ADAMTS20: variants seen among roughly 807,000 people sequenced by gnomAD.
The protein encoded by ADAMTS20 is A disintegrin and metalloproteinase with thrombospondin motifs 20.
ADAMTS20 carries 225 observed loss-of-function variants against 260.1 expected under a neutral mutation model. The ratio of observed to expected loss-of-function variants is 0.87; its 90% CI spans 0.78 to 0.97. The LOEUF (loss-of-function observed/expected upper bound fraction) is 0.97, where lower values mean the gene tolerates loss of function less well. Among genes scored for constraint, ADAMTS20 ranks in the 50% least tolerant of loss-of-function variants. The pLI, the probability that ADAMTS20 is intolerant of heterozygous loss-of-function variation, is 0.00. For synonymous variants in ADAMTS20, 802 were observed against 769.5 expected, an observed-to-expected ratio of 1.04 and a Z score of -0.70; for missense variants, 2,400 against 2,337.7, an observed-to-expected ratio of 1.03 and a Z score of -0.55.
chr12:43,446,748 G>A, intron 14 of ADAMTS20, 36 bp from the exon 15 acceptor site: 1 of 1,509,468 alleles, frequency 6.6e-7, no homozygotes, highest in Non-Finnish European at 9.2e-7. Flanking sequence ...TTATAAGAAT[G>A]ACTAATTATG....
In ADAMTS20 at chr12:43,462,931, C is replaced by T; in HGVS notation, c.1578G>A (p.Val526=). 1 of 1,609,196 alleles carries T rather than the reference C, an allele frequency of 6.2e-7. No homozygotes were observed. The highest frequency in any genetic ancestry group is 8.5e-7 in the Non-Finnish European group (1 of 1,177,556). The change falls in exon 11 of 39, where the codon GTG becomes GTA. Residue 526 remains valine, a synonymous_variant. Transcript: ENST00000389420. ...KLHKGCFTQH[V]PPADGTDCGP... The stretch of plus-strand genomic sequence containing the variant: ...CGCAGTCTGTTCCATCTGCTGGTGG[C>T]ACGTGTTGAGTGAAACAGCCTTTGT...
intron 23 of ADAMTS20, 40 bp downstream of exon 23, chr12:43,430,312 C>A: frequency 6.3e-7 from 1 of 1,580,588 alleles, no homozygotes; most frequent in South Asian, 1.2e-5. Flanking sequence ...ATCTTTCTGT[C>A]TCATAAATCT....
intron 11 of ADAMTS20, among the ~76,000 whole-genome samples, chr12:43,460,721 G>A (rs1273798985): frequency 1.3e-5 from 2 of 151,812 alleles, no homozygotes; most frequent in African/African-American, 4.8e-5. Flanking sequence ...TAGTACATCT[G>A]TATAGCTGAA....
At chr12:43,445,799 C>T (rs1020598196) in intron 15 of ADAMTS20, among the ~76,000 whole-genome samples, 1 of 152,028 alleles carries the variant, frequency 6.6e-6, no homozygotes, top group South Asian at 2.1e-4. Context: ...CTGCAATGAG[C>T]TATGATTGTG....
rs1248248344 is a variant in ADAMTS20, at chr12:43,416,451, CT to C, written c.4284+9062del. Among the ~76,000 whole-genome samples, 13 of 151,724 alleles carry C rather than the reference CT, an allele frequency of 8.6e-5. No individual in the cohort carries two copies. In the East Asian group the frequency reaches 2.3e-3, roughly 27 times the overall value. ...ACATGGCCTTAATTCATATTTCTAA[CT>C]TTATGCCCACCCCTTGTTCTCACAA... On this transcript the variant is annotated intron_variant, in intron 28 of 38. Transcript: ENST00000389420.
chr12:43,401,355 T>C lies in ADAMTS20; in HGVS notation c.4285-2122A>G, dbSNP rs552989864. On this transcript the variant is annotated intron_variant, in intron 28 of 38. Transcript: ENST00000389420. Reference sequence around the variant, plus strand: ...GAATCCAAGAATCAGCCAGTAAATATACAGTAAGTTGTTGGCATTTCTGAT... The same window carrying C: ...GAATCCAAGAATCAGCCAGTAAATACACAGTAAGTTGTTGGCATTTCTGAT... 3.3e-5 allele frequency among the ~76,000 whole-genome samples: 5 copies of C among 152,028 alleles called. No individual in the cohort carries two copies. In the South Asian group the frequency reaches 6.2e-4, roughly 19 times the overall value.
At chr12:43,548,204 A>G (rs1406461705) in intron 2 of ADAMTS20, among the ~76,000 whole-genome samples, 1 of 152,228 alleles carries the variant, frequency 6.6e-6, no homozygotes, top group Admixed American at 6.5e-5. Flanking sequence ...AAGCGACTAG[A>G]AAAAGAAGAG....
At chr12:43,477,683 A>G (rs533661794) in intron 7 of ADAMTS20, among the ~76,000 whole-genome samples, 1 of 152,250 alleles carries the variant, frequency 6.6e-6, no homozygotes, top group East Asian at 1.9e-4. Flanking sequence ...ATACACAAGC[A>G]TGCAGGCATA....
At chr12:43,396,410 T>C (rs1940703998) in intron 29 of ADAMTS20, among the ~76,000 whole-genome samples, 1 of 152,154 alleles carries the variant, frequency 6.6e-6, no homozygotes, top group Admixed American at 6.6e-5. Flanking sequence ...AACCAGTGAT[T>C]ATCTTGTAAC....
intron 29 of ADAMTS20, among the ~76,000 whole-genome samples, chr12:43,386,357 G>C (rs1329297065): frequency 2.6e-5 from 4 of 152,186 alleles, no homozygotes; most frequent in African/African-American, 4.8e-5. Flanking sequence ...GAGATCCGCT[G>C]TTAGTCTAAT....
rs1940411184 is a variant in ADAMTS20 at position 43,383,856 on chromosome 12, C to T, written c.4574G>A (p.Cys1525Tyr). 4 of 1,613,996 alleles carry T rather than the reference C, an allele frequency of 2.5e-6. No homozygotes were observed. Among genetic ancestry groups the T allele is most frequent in the Non-Finnish European group, 3.4e-6 (4 of 1,179,874 alleles). The change falls in exon 30 of 39, where the codon TGT becomes TAT. Residue 1525 changes from cysteine to tyrosine, a missense_variant. By Grantham distance (194) the Cys-to-Tyr change is radical. Transcript: ENST00000389420. The part of the protein sequence containing the change: ...QSTRPCSQRR[C>Y]WSQDCVQHKG... ...GTGCTGCACACAGTCCTGACTCCAA[C>T]ATCGCCTCTGAGAACAAGGTCGGGT... is the stretch of plus-strand genomic sequence containing the variant.
chr12:43,468,013 G>A (rs1326079626), intron 8 of ADAMTS20, among the ~76,000 whole-genome samples: 1 of 152,036 alleles, frequency 6.6e-6, no homozygotes, highest in African/African-American at 2.4e-5. Flanking sequence ...AGCTCCAAGG[G>A]TATCATGAGA....
chr12:43,539,487 A>G (rs1426163767), intron 2 of ADAMTS20, among the ~76,000 whole-genome samples: 2 of 152,180 alleles, frequency 1.3e-5, no homozygotes, highest in African/African-American at 4.8e-5. Flanking sequence ...TAAATATAAG[A>G]ATTCTTATCT....
At chr12:43,437,252 T>G (rs190303596) in intron 18 of ADAMTS20, among the ~76,000 whole-genome samples, 19 of 152,122 alleles carry the variant, frequency 1.2e-4, no homozygotes, top group Admixed American at 1.2e-3. Context: ...AAGAAAACAA[T>G]GAATTTGAGA....
chr12:43,539,628 C>T (rs1943348067), intron 2 of ADAMTS20, among the ~76,000 whole-genome samples: 1 of 152,060 alleles, frequency 6.6e-6, no homozygotes, highest in Non-Finnish European at 1.5e-5. Context: ...CTCTGCCTTC[C>T]TAGAAAACTA....
intron 9 of ADAMTS20, among the ~76,000 whole-genome samples, chr12:43,466,169 G>A (rs1942148746): frequency 6.6e-6 from 1 of 151,962 alleles, no homozygotes; most frequent in Non-Finnish European, 1.5e-5. Context: ...GAAAGAATAT[G>A]TAAAGTTAGA....
intron 3 of ADAMTS20, among the ~76,000 whole-genome samples, chr12:43,507,100 T>G (rs1272128129): frequency 6.6e-6 from 1 of 152,204 alleles, no homozygotes; most frequent in Non-Finnish European, 1.5e-5. Context: ...ATAGCTTTTA[T>G]GTGTTTTCAC....
chr12:43,480,495 G>T (rs1942424864), intron 7 of ADAMTS20, among the ~76,000 whole-genome samples: 1 of 152,090 alleles, frequency 6.6e-6, no homozygotes, highest in Non-Finnish European at 1.5e-5. Flanking sequence ...AGCTTTTTGA[G>T]AAATCTTCAT....
intron 2 of ADAMTS20, among the ~76,000 whole-genome samples, chr12:43,535,960 G>A (rs892538753): frequency 1.5e-4 from 23 of 152,064 alleles, no homozygotes; most frequent in Admixed American, 7.2e-4. Context: ...GCCCTTAAAT[G>A]GTCAATTTAT....
Sources: allele counts gnomAD v4.1 joint callset (sites outside exome capture counted in the v4.1 genomes callset), GRCh38; gene constraint gnomAD v4.1.1; transcripts MANE v1.5; gene names NCBI Gene and HGNC (gene_info 2026-07-23, HGNC 2026-07-21).